NDUFAF2: variants seen among roughly 807,000 people sequenced by gnomAD.
NDUFAF2 encodes NADH:ubiquinone oxidoreductase complex assembly factor 2.
In NDUFAF2, 13 loss-of-function variants were observed where a neutral mutation model predicts 22.8. That is an observed-to-expected ratio of 0.57 (90% CI 0.37 to 0.91). The LOEUF is 0.91. Ranked by LOEUF, NDUFAF2 falls within the 40% of genes least tolerant of loss-of-function variation. The pLI is 0.01. For missense variants in NDUFAF2, 162 were observed against 195.2 expected, an observed-to-expected ratio of 0.83 and a Z score of 1.01; for synonymous variants, 53 against 64.2, an observed-to-expected ratio of 0.83 and a Z score of 0.84.
intron 1 of NDUFAF2, among the ~76,000 whole-genome samples, chr5:61,072,168 A>C (rs1178564391): frequency 6.6e-6 from 1 of 152,238 alleles, no homozygotes; most frequent in Non-Finnish European, 1.5e-5. Flanking sequence ...ACAAAACAGC[A>C]GCAGCTGGTC....
At chr5:60,945,616 C>T (rs1002298935) in intron 1 of NDUFAF2, among the ~76,000 whole-genome samples, 1 of 152,234 alleles carries the variant, frequency 6.6e-6, no homozygotes, top group African/African-American at 2.4e-5. Flanking sequence ...TCCCTACTAC[C>T]CAGCGCCTTC....
chr5:61,048,915 G>T lies in NDUFAF2; in HGVS notation c.128-24210G>T, dbSNP rs139431917. Among the ~76,000 whole-genome samples the T allele has an allele frequency of 5.0e-4, 76 of 152,096 alleles. 1 individual carries two copies. Among genetic ancestry groups the T allele is most frequent in the Middle Eastern group, 3.4e-3 (1 of 294 alleles). On this transcript the variant is annotated intron_variant, in intron 1 of 3. Transcript: ENST00000296597. The stretch of plus-strand genomic sequence containing the variant: ...GGTGGTAGAACCACATTCACAATGG[G>T]GCGCACTTTTTCAGGCTGCGTGGTT...
intron 2 of NDUFAF2, among the ~76,000 whole-genome samples, chr5:61,098,213 T>C (rs1206489884): frequency 6.6e-6 from 1 of 152,200 alleles, no homozygotes; most frequent in Admixed American, 6.6e-5. Context: ...ATTTCCATTT[T>C]ATAGATGGGA....
chr5:61,018,039 A>T (rs1373830772), intron 1 of NDUFAF2, among the ~76,000 whole-genome samples: 1 of 152,212 alleles, frequency 6.6e-6, no homozygotes, highest in Non-Finnish European at 1.5e-5. Flanking sequence ...GGCGTGAGCC[A>T]CTGCATCCTC....
intron 1 of NDUFAF2, among the ~76,000 whole-genome samples, chr5:61,021,134 C>G (rs1466513044): frequency 6.6e-6 from 1 of 151,614 alleles, no homozygotes; most frequent in Non-Finnish European, 1.5e-5. Context: ...TCAGAAATTA[C>G]TGCAAATTTA....
chr5:61,141,177 A>G (rs969477941), intron 3 of NDUFAF2, among the ~76,000 whole-genome samples: 1 of 152,070 alleles, frequency 6.6e-6, no homozygotes, highest in African/African-American at 2.4e-5. Context: ...AAGTGAGCCA[A>G]GATCACACCA....
intron 1 of NDUFAF2, among the ~76,000 whole-genome samples, chr5:61,014,774 C>G (rs1418416875): frequency 6.6e-6 from 1 of 152,134 alleles, no homozygotes; most frequent in Admixed American, 6.6e-5. Flanking sequence ...AAAAATAACT[C>G]AGAGTAGGCC....
intron 1 of NDUFAF2, among the ~76,000 whole-genome samples, chr5:60,961,259 A>G (rs916538854): frequency 2.0e-5 from 3 of 152,058 alleles, no homozygotes; most frequent in African/African-American, 7.3e-5. Flanking sequence ...CAGGAGTTCA[A>G]GATCAGCCAG....
At chr5:61,113,660 C>A (rs1752873375) in intron 3 of NDUFAF2, among the ~76,000 whole-genome samples, 1 of 152,146 alleles carries the variant, frequency 6.6e-6, no homozygotes, top group African/African-American at 2.4e-5. Flanking sequence ...TGAAGAAGGA[C>A]ATGTTTGCTT....
intron 2 of NDUFAF2, among the ~76,000 whole-genome samples, chr5:61,085,315 C>T (rs557469555): frequency 6.6e-6 from 1 of 152,048 alleles, no homozygotes; most frequent in African/African-American, 2.4e-5. Flanking sequence ...CCAGTTGGTA[C>T]AGAAAAGAAT....
intron 1 of NDUFAF2, among the ~76,000 whole-genome samples, chr5:61,067,640 A>G (rs929504350): frequency 2.0e-5 from 3 of 152,142 alleles, no homozygotes; most frequent in Non-Finnish European, 4.4e-5. Context: ...GTGTCTTTAT[A>G]GCAGCATTAT....
intron 3 of NDUFAF2, among the ~76,000 whole-genome samples, chr5:61,142,519 A>G (rs753409014): frequency 6.6e-6 from 1 of 152,258 alleles, no homozygotes; most frequent in Non-Finnish European, 1.5e-5. Flanking sequence ...TCAAGAAAGC[A>G]TGTCAAAACA....
intron 1 of NDUFAF2, among the ~76,000 whole-genome samples, chr5:60,987,580 C>A (rs1431516155): frequency 6.6e-6 from 1 of 152,138 alleles, no homozygotes; most frequent in African/African-American, 2.4e-5. Context: ...AAATGGTAAT[C>A]CACCATGATC....
At chr5:61,009,681 C>T (rs1057280194) in intron 1 of NDUFAF2, among the ~76,000 whole-genome samples, 2 of 152,138 alleles carry the variant, frequency 1.3e-5, no homozygotes, top group East Asian at 1.9e-4. Context: ...AATTACTAGT[C>T]GTACTGTACT....
chr5:60,982,354 AAGAG>A (rs1322803196), intron 1 of NDUFAF2, among the ~76,000 whole-genome samples: 11 of 152,114 alleles, frequency 7.2e-5, no homozygotes, highest in African/African-American at 2.2e-4. Flanking sequence ...GCAGGCAAAA[AAGAG>A]AGAGCTTGTG....
At chr5:61,135,998 C>A (rs1740923733) in intron 3 of NDUFAF2, among the ~76,000 whole-genome samples, 1 of 82,114 alleles carries the variant, frequency 1.2e-5, no homozygotes, top group Non-Finnish European at 2.3e-5. Flanking sequence ...TACATCTAAG[C>A]CTGTCTTTAT....
chr5:61,126,186 T>C (rs1753034204), intron 3 of NDUFAF2, among the ~76,000 whole-genome samples: 1 of 152,052 alleles, frequency 6.6e-6, no homozygotes, highest in Non-Finnish European at 1.5e-5. Context: ...TCATCTTTAA[T>C]GTATGAAGTT....
chr5:61,130,157 T>G (rs1753091115), intron 3 of NDUFAF2, among the ~76,000 whole-genome samples: 1 of 152,152 alleles, frequency 6.6e-6, no homozygotes, highest in Admixed American at 6.6e-5. Flanking sequence ...GTTTGTATCT[T>G]TAACTGGTAC....
chr5:60,953,074 A>C (rs934943572), intron 1 of NDUFAF2, among the ~76,000 whole-genome samples: 1 of 152,134 alleles, frequency 6.6e-6, no homozygotes, highest in African/African-American at 2.4e-5. Flanking sequence ...ATGGCCAAAA[A>C]TATTCCAAAT....
Sources: allele counts gnomAD v4.1 joint callset (sites outside exome capture counted in the v4.1 genomes callset), GRCh38; gene constraint gnomAD v4.1.1; transcripts MANE v1.5; gene names NCBI Gene and HGNC (gene_info 2026-07-23, HGNC 2026-07-21).